PCDH15: variants seen among roughly 807,000 people sequenced by gnomAD.
The protein encoded by PCDH15 is protocadherin-15.
Under a neutral mutation model 178.5 loss-of-function variants are expected in PCDH15, and 129 were observed. That is an observed-to-expected ratio of 0.72 (90% confidence interval 0.63 to 0.84). PCDH15 has a LOEUF of 0.84. Ranked by LOEUF, PCDH15 falls within the 40% of genes least tolerant of loss-of-function variation. The pLI is 0.00. For missense variants in PCDH15, 2,230 were observed against 2,099.9 expected (o/e 1.06, Z -1.21); for synonymous variants, 800 against 732.0 (o/e 1.09, Z -1.50).
chr10:55,517,609 A>C (rs2132159470), intron 2 of PCDH15, among the ~76,000 whole-genome samples: 1 of 152,294 alleles, frequency 6.6e-6, no homozygotes, highest in South Asian at 2.1e-4. Flanking sequence ...ACAAAACTAA[A>C]CATGCAACTA....
chr10:54,893,939 T>G (rs778079231), intron 3 of PCDH15, among the ~76,000 whole-genome samples: 2 of 152,132 alleles, frequency 1.3e-5, no homozygotes, highest in African/African-American at 4.8e-5. Context: ...TAGCCTTGCT[T>G]GTCTAATCAT....
chr10:55,582,394 T>C (rs10825549), intron 2 of PCDH15, among the ~76,000 whole-genome samples: 48,854 of 151,700 alleles, frequency 0.32, 8,410 homozygotes, highest in East Asian at 0.49. Context: ...TCTTGAGTTA[T>C]AAAAGAAAGG....
intron 8 of PCDH15, among the ~76,000 whole-genome samples, chr10:54,281,524 T>C (rs926378065): frequency 3.9e-5 from 6 of 152,118 alleles, no homozygotes; most frequent in East Asian, 1.9e-4. Flanking sequence ...AAGTAAATTA[T>C]CTTAGGAATA....
chr10:55,626,834 T>C (rs1837539380), intron 2 of PCDH15, among the ~76,000 whole-genome samples: 1 of 152,170 alleles, frequency 6.6e-6, no homozygotes, highest in African/African-American at 2.4e-5. Context: ...GATACTTAAA[T>C]AAAAACTTTA....
chr10:54,915,730 A>G (rs1406169890), intron 2 of PCDH15, among the ~76,000 whole-genome samples: 1 of 152,168 alleles, frequency 6.6e-6, no homozygotes, highest in African/African-American at 2.4e-5. Context: ...CTTAAGCTGA[A>G]GTTTTCTGTA....
chr10:54,768,241 GTCT>G (rs2133230906), intron 1 of PCDH15, among the ~76,000 whole-genome samples: 1 of 152,242 alleles, frequency 6.6e-6, no homozygotes, highest in South Asian at 2.1e-4. Flanking sequence ...TTGACAAGAA[GTCT>G]TCTTGCTTTG....
chr10:55,492,710 T>C (rs762402559), intron 2 of PCDH15, among the ~76,000 whole-genome samples: 5 of 151,796 alleles, frequency 3.3e-5, no homozygotes, highest in Admixed American at 6.6e-5. Context: ...GCAATAGGTA[T>C]GGCCTTTGAA....
At chr10:54,145,096 C>A (rs1457433903) in intron 14 of PCDH15, among the ~76,000 whole-genome samples, 1 of 151,976 alleles carries the variant, frequency 6.6e-6, no homozygotes, top group East Asian at 1.9e-4. Context: ...CAAACTTCAT[C>A]TATAACACTT....
chr10:54,344,109 A>C (rs1398448055), intron 6 of PCDH15, among the ~76,000 whole-genome samples: 1 of 152,212 alleles, frequency 6.6e-6, no homozygotes, highest in Admixed American at 6.5e-5. Flanking sequence ...CTAATTTTAT[A>C]TGAAGTCTAA....
chr10:54,809,131 T>C (rs1443062533), intron 3 of PCDH15, among the ~76,000 whole-genome samples: 1 of 152,182 alleles, frequency 6.6e-6, no homozygotes, highest in Non-Finnish European at 1.5e-5. Flanking sequence ...TGTAAATTAC[T>C]TAACCATAGG....
intron 18 of PCDH15, among the ~76,000 whole-genome samples, chr10:54,033,243 A>G (rs2093341947): frequency 6.6e-6 from 1 of 151,922 alleles, no homozygotes; most frequent in African/African-American, 2.4e-5. Context: ...GCATTGCTTA[A>G]CCTTTTTCAT....
chr10:54,508,982 G>T (rs1589782300), intron 3 of PCDH15, among the ~76,000 whole-genome samples: 1 of 152,172 alleles, frequency 6.6e-6, no homozygotes, highest in Middle Eastern at 3.4e-3. Flanking sequence ...AATTTTAAAT[G>T]ATATTTTAAA....
chr10:54,909,926 G>A (rs1954790706), intron 2 of PCDH15, among the ~76,000 whole-genome samples: 1 of 152,118 alleles, frequency 6.6e-6, no homozygotes, highest in Non-Finnish European at 1.5e-5. Flanking sequence ...GGGGTCTCAG[G>A]GGAAGGCTCT....
At chr10:53,929,490 T>G (rs1253306466) in intron 25 of PCDH15, among the ~76,000 whole-genome samples, 1 of 152,162 alleles carries the variant, frequency 6.6e-6, no homozygotes, top group Admixed American at 6.5e-5. Flanking sequence ...ACTATAAATA[T>G]AAGGCTATGA....
chr10:54,155,352 GAGATAGTCAACCACAGTTGAGCTA>G (rs1368138002), intron 13 of PCDH15, among the ~76,000 whole-genome samples: 2 of 152,124 alleles, frequency 1.3e-5, no homozygotes, highest in African/African-American at 4.8e-5. Flanking sequence ...CTAAATTGCA[GAGATAGTCAACCACAGTTGAGCTA>G]AGGTATTCAG....
In PCDH15 at chr10:54,185,188, G is replaced by A; in HGVS notation, c.1386C>T (p.Tyr462=). The change falls in exon 12 of 38, where the codon TAC becomes TAT. Residue 462 remains tyrosine (Y), a synonymous_variant. Coordinates refer to ENST00000644397, the MANE Select transcript of PCDH15 (RefSeq NM_001384140.1). ...FTVTQTGITR[Y]LTLLQPVDRE... ...TGTCCACTGGTTGAAGTAAGGTGAG[G>A]TAGCGAGTAATACCAGTCTGTGTGA... The A allele has an allele frequency of 1.2e-6, 2 of 1,613,646 alleles. No homozygotes were observed. The highest frequency in any genetic ancestry group is 1.1e-5 in the South Asian group (1 of 91,072).
chr10:54,222,067 A>T (rs978671534), intron 9 of PCDH15, among the ~76,000 whole-genome samples: 1 of 152,198 alleles, frequency 6.6e-6, no homozygotes, highest in Non-Finnish European at 1.5e-5. Flanking sequence ...TCATACATTG[A>T]TGAACACTTG....
rs180883047 is a variant in PCDH15 at position 54,858,151 on chromosome 10, T to A, written c.-29+39299A>T. On this transcript the variant is annotated intron_variant, in intron 3 of 5. Coordinates refer to the PCDH15 transcript ENST00000458638. Reference sequence around the variant, plus strand: ...TATTTTCAAATTCAAAGTATAGATGTGCTCATTCATTATTTGCCTTTCTGT... The same window carrying A: ...TATTTTCAAATTCAAAGTATAGATGAGCTCATTCATTATTTGCCTTTCTGT... 8.7e-4 allele frequency among the ~76,000 whole-genome samples: 133 copies of A among 152,318 alleles called. 2 individuals carry two copies. The Middle Eastern group carries it at 0.014, about 16-fold the overall frequency.
intron 20 of PCDH15, among the ~76,000 whole-genome samples, chr10:54,018,274 C>A (rs547310252): frequency 1.3e-5 from 2 of 151,816 alleles, no homozygotes; most frequent in Non-Finnish European, 1.5e-5. Context: ...GTAGTACTGG[C>A]CACTAAACAA....
Sources: allele counts gnomAD v4.1 joint callset (sites outside exome capture counted in the v4.1 genomes callset), GRCh38; gene constraint gnomAD v4.1.1; transcripts MANE v1.5; gene names NCBI Gene and HGNC (gene_info 2026-07-23, HGNC 2026-07-21).